Variants in JKAMP observed in about 807,000 individuals in gnomAD.
The protein encoded by JKAMP is JNK1/MAPK8-associated membrane protein.
JKAMP carries 20 observed loss-of-function variants against 40.2 expected under a neutral mutation model. The ratio of observed to expected loss-of-function variants is 0.50; its 90% CI spans 0.35 to 0.72. The LOEUF (loss-of-function observed/expected upper bound fraction) is 0.72, where lower values mean the gene tolerates loss of function less well. Among genes scored for constraint, JKAMP ranks in the 30% least tolerant of loss-of-function variants. The probability of loss-of-function intolerance (pLI) is 0.01; values close to 1 mark genes in which losing one functional copy is unlikely to be tolerated. For synonymous variants in JKAMP, 138 were observed against 131.6 expected, an observed-to-expected ratio of 1.05 and a Z score of -0.33; for missense variants, 276 against 373.0, an observed-to-expected ratio of 0.74 and a Z score of 2.14.
intron 1 of JKAMP, chr14:59,484,913 G>C: frequency 7.0e-7 from 1 of 1,436,014 alleles, no homozygotes; most frequent in Non-Finnish European, 9.1e-7. Context: ...TGAAAACGCG[G>C]GTGATAGTGC....
At chr14:59,498,344 G>A (rs962242273) in intron 4 of JKAMP, among the ~76,000 whole-genome samples, 31 of 152,054 alleles carry the variant, frequency 2.0e-4, no homozygotes, top group African/African-American at 7.2e-4. Flanking sequence ...AATATAACCA[G>A]TTTCTTACAT....
rs1339043065 is a variant in JKAMP at position 59,486,767 on chromosome 14, T to C, written c.59T>C (p.Phe20Ser). The C allele has an allele frequency of 6.3e-7, 1 of 1,594,942 alleles. No homozygotes were observed. The highest frequency in any genetic ancestry group is 1.1e-5 in the South Asian group (1 of 87,732). Residue 20 changes from phenylalanine to serine, a missense_variant, in exon 2 of 7, where the codon TTT (phenylalanine) becomes TCT (serine). By Grantham distance (155) the Phe-to-Ser change is radical. Coordinates refer to ENST00000616435, the MANE Select transcript of JKAMP (RefSeq NM_016475.5). ...LGLYCGKTLL[F>S]KNGSTEIYGE... ...CTTTATTGTGGGAAGACCCTATTAT[T>C]TAAAAATGGCTCAACTGAAATATAT...
chr14:59,487,611 T>C, intron 2 of JKAMP, 63 bp from the exon 3 acceptor site: 1 of 1,226,442 alleles, frequency 8.2e-7, no homozygotes, highest in Admixed American at 1.7e-5. Flanking sequence ...TAGAATGATT[T>C]GGGGGGGTGT....
chr14:59,486,168 A>G (rs538822343), intron 1 of JKAMP, among the ~76,000 whole-genome samples: 3 of 152,230 alleles, frequency 2.0e-5, no homozygotes, highest in Non-Finnish European at 4.4e-5. Context: ...CACAAAAATG[A>G]TAAAAGCTAG....
At chr14:59,502,105 G>A (rs1324906846) in intron 6 of JKAMP, among the ~76,000 whole-genome samples, 1 of 151,656 alleles carries the variant, frequency 6.6e-6, no homozygotes. Context: ...AATCAAAATG[G>A]GCATTCTTGT....
chr14:59,497,955 A>T (rs1209731336), intron 4 of JKAMP, among the ~76,000 whole-genome samples: 1 of 152,216 alleles, frequency 6.6e-6, no homozygotes, highest in East Asian at 1.9e-4. Flanking sequence ...AGGAAAATTA[A>T]GGTAGAACTA....
At chr14:59,485,188 T>C (rs1444833838) in intron 1 of JKAMP, 1 of 1,513,232 alleles carries the variant, frequency 6.6e-7, no homozygotes, top group African/African-American at 1.4e-5. Context: ...TGAGAAACTT[T>C]AGATTATTGA....
intron 3 of JKAMP, 90 bp from the exon 4 acceptor site, chr14:59,494,928 A>G: frequency 1.1e-6 from 1 of 906,872 alleles, no homozygotes. Context: ...ATAGATTTAG[A>G]AATCTGTATC....
intron 5 of JKAMP, 163 bp from the exon 6 acceptor site, chr14:59,501,028 G>A (rs1891839193): frequency 1.8e-6 from 1 of 563,322 alleles, no homozygotes; most frequent in Non-Finnish European, 3.1e-6. Context: ...GCCCTTTCCA[G>A]AAAAAGCTTG....
chr14:59,494,192 T>C (rs1416646351), intron 3 of JKAMP, among the ~76,000 whole-genome samples: 5 of 151,426 alleles, frequency 3.3e-5, no homozygotes, highest in Non-Finnish European at 5.9e-5. Flanking sequence ...TTTAAACTGC[T>C]AAGTAGAAAA....
Position 59,504,842 on chromosome 14 carries a change from C to G in JKAMP, c.*770C>G, listed in dbSNP as rs1328230591. ...TATTGATCCAGAGATACTTATTTCA[C>G]TTTGTGACATCTCTGAATTAGGATG... On this transcript the variant is annotated 3_prime_UTR_variant, in exon 7 of 7. Coordinates refer to ENST00000616435, the MANE Select transcript of JKAMP (RefSeq NM_016475.5). 2 of 154,364 alleles carry G rather than the reference C, an allele frequency of 1.3e-5. No homozygotes were observed. The highest frequency in any genetic ancestry group is 1.3e-4 in the Admixed American group (2 of 15,440). The allele number at this position is 154,364 out of a possible 1,614,324, so 9.6% of individuals were successfully genotyped here. A position where few individuals can be genotyped will look rare whatever the true frequency, so the allele number is the denominator to read the frequency against.
chr14:59,498,469 A>C (rs1472014043), intron 4 of JKAMP, among the ~76,000 whole-genome samples: 2 of 152,084 alleles, frequency 1.3e-5, no homozygotes. Context: ...CTACAGGTAA[A>C]ATTGCTGAAT....
At chr14:59,494,902 G>C (rs533089199) in intron 3 of JKAMP, 116 bp from the exon 4 acceptor site, 1 of 712,662 alleles carries the variant, frequency 1.4e-6, no homozygotes, top group East Asian at 2.7e-5. Context: ...TACTCGAGTA[G>C]TTTTTGACTT....
At chr14:59,487,057 G>T (rs1230878291) in intron 2 of JKAMP, 1 of 312,762 alleles carries the variant, frequency 3.2e-6, no homozygotes, top group African/African-American at 2.2e-5. Context: ...AAAAAAATTA[G>T]CTGGGCATAG....
Position 59,505,347 on chromosome 14 carries a change from T to C in JKAMP, c.*1275T>C. On this transcript the variant is annotated 3_prime_UTR_variant, in exon 7 of 7. Transcript: ENST00000616435. ...GAATAAAAAATAAATATAAAAATTTTATTTGTATTGCACACATTTGGGGGG... is the reference window on the plus strand; with the variant it reads ...GAATAAAAAATAAATATAAAAATTTCATTTGTATTGCACACATTTGGGGGG... 1 of 1,237,654 alleles carries C rather than the reference T, an allele frequency of 8.1e-7. No homozygotes were observed. Among genetic ancestry groups the C allele is most frequent in the Non-Finnish European group, 1.1e-6 (1 of 904,378 alleles). The allele number at this position is 1,237,654 out of a possible 1,614,324, so 76.7% of individuals were successfully genotyped here.
chr14:59,491,595 G>C (rs889124928), intron 3 of JKAMP, among the ~76,000 whole-genome samples: 3 of 152,216 alleles, frequency 2.0e-5, no homozygotes, highest in Non-Finnish European at 2.9e-5. Flanking sequence ...CAGGAGTTCT[G>C]TTTCCAACAA....
At position 59,501,151 on chromosome 14, in the gene JKAMP, T is replaced by A. The variant is rs765995269; in HGVS notation, c.641-40T>A. 5 of 1,244,754 alleles carry A rather than the reference T, an allele frequency of 4.0e-6. 1 individual carries two copies. In the South Asian group the frequency reaches 6.5e-5, roughly 16 times the overall value. 77.1% of individuals were successfully genotyped at this position (1,244,754 alleles called of 1,614,324 possible). A position where few individuals can be genotyped will look rare whatever the true frequency, so the allele number is the denominator to read the frequency against. ...TTATTTGATGGTTTATTGAGAAAAT[T>A]TGTTTCATTTCCAACATAATACCAA... On this transcript the variant is annotated intron_variant, in intron 5 of 6. Transcript: ENST00000616435.
intron 3 of JKAMP, among the ~76,000 whole-genome samples, chr14:59,488,845 G>T (rs1566574508): frequency 6.6e-6 from 1 of 152,142 alleles, no homozygotes; most frequent in Non-Finnish European, 1.5e-5. Context: ...TCTGATTTCA[G>T]TTTAAAAGTC....
rs1263313125 is a variant in JKAMP at position 59,495,062 on chromosome 14, G to T, written c.296G>T (p.Ser99Ile). 1 of 1,613,734 alleles carries T rather than the reference G, an allele frequency of 6.2e-7. No homozygotes were observed. Among genetic ancestry groups the T allele is most frequent in the Non-Finnish European group, 8.5e-7 (1 of 1,179,824 alleles). The change falls in exon 4 of 7, where the codon AGC (serine) becomes ATC (isoleucine). Residue 99 changes from serine to isoleucine, a missense_variant. Physicochemically the swap from Ser to Ile is moderately radical, Grantham distance 142 (BLOSUM62 -2). Coordinates refer to ENST00000616435, the MANE Select transcript of JKAMP (RefSeq NM_016475.5). Reference protein sequence around the residue: ...FQHITALFECSMAAIITLLVS... With the variant: ...FQHITALFECIMAAIITLLVS... ...CACATCACTGCATTATTTGAATGCA[G>T]CATGGCAGCTATTATCACCTTACTT...
Sources: allele counts gnomAD v4.1 joint callset (sites outside exome capture counted in the v4.1 genomes callset), GRCh38; gene constraint gnomAD v4.1.1; transcripts MANE v1.5; gene names NCBI Gene and HGNC (gene_info 2026-07-23, HGNC 2026-07-21).